DAPK2: variants seen among roughly 807,000 people sequenced by gnomAD.
DAPK2 encodes the protein death associated protein kinase 2.
DAPK2 carries 35 observed loss-of-function variants against 44.1 expected under a neutral mutation model. The observed-to-expected ratio is 0.79, with a 90% CI of 0.61 to 1.05. DAPK2 has a LOEUF of 1.05. DAPK2 is among the 50% of genes least tolerant of loss of function. DAPK2 has a pLI of 0.00. For synonymous variants in DAPK2, 174 were observed against 182.6 expected (o/e 0.95, Z 0.38); for missense variants, 453 against 483.2 (o/e 0.94, Z 0.59).
intron 3 of DAPK2, among the ~76,000 whole-genome samples, chr15:63,962,356 A>G (rs2077927828): frequency 6.6e-6 from 1 of 152,198 alleles, no homozygotes; most frequent in African/African-American, 2.4e-5. Flanking sequence ...CAACTTGTCA[A>G]AGTCATTCTC....
Position 64,027,847 on chromosome 15 carries a change from T to C in DAPK2, c.92+12323A>G, listed in dbSNP as rs566301082. On this transcript the variant is annotated intron_variant, in intron 1 of 10. Transcript: ENST00000261891. Reference sequence around the variant, plus strand: ...TTTAAACCATTAAGCAAATCAGTCATAACCTTTGACCTGGTATGCAACCTC... The same window carrying C: ...TTTAAACCATTAAGCAAATCAGTCACAACCTTTGACCTGGTATGCAACCTC... 3.1e-3 allele frequency among the ~76,000 whole-genome samples: 475 copies of C among 152,286 alleles called. 4 individuals are homozygous for C. The highest frequency in any genetic ancestry group is 7.5e-3 in the South Asian group (36 of 4,828).
chr15:63,955,099 G>C (rs2077688127), intron 3 of DAPK2, among the ~76,000 whole-genome samples: 1 of 152,174 alleles, frequency 6.6e-6, no homozygotes. Context: ...CTGCAAACAA[G>C]GATAATTTTA....
chr15:63,929,390 G>C (rs2079441658), intron 6 of DAPK2, 161 bp downstream of exon 7: 1 of 834,710 alleles, frequency 1.2e-6, no homozygotes, highest in South Asian at 1.7e-5. Flanking sequence ...TGGATGAAAT[G>C]GACCTACAGC....
chr15:63,909,463 C>A (rs905285185), intron 10 of DAPK2: 2 of 151,728 alleles, frequency 1.3e-5, no homozygotes, highest in Non-Finnish European at 2.9e-5. Flanking sequence ...AAAAAGAGTA[C>A]TATTTAAGAA....
intron 1 of DAPK2, among the ~76,000 whole-genome samples, chr15:64,018,557 C>T (rs1010167732): frequency 5.3e-5 from 8 of 152,270 alleles, no homozygotes; most frequent in Non-Finnish European, 8.8e-5. Flanking sequence ...AAAGTCCCTC[C>T]CAGACTGGAA....
chr15:63,961,587 C>T (rs2077902487), intron 3 of DAPK2, among the ~76,000 whole-genome samples: 1 of 152,176 alleles, frequency 6.6e-6, no homozygotes, highest in African/African-American at 2.4e-5. Context: ...GATTTTATTT[C>T]TCCTTCACTT....
chr15:63,950,745 A>T (rs553871928), intron 3 of DAPK2, among the ~76,000 whole-genome samples: 2 of 152,206 alleles, frequency 1.3e-5, no homozygotes, highest in Non-Finnish European at 1.5e-5. Flanking sequence ...CCTGTCACTT[A>T]ATACTGTGTA....
At chr15:63,985,400 C>T (rs1300389841) in intron 1 of DAPK2, among the ~76,000 whole-genome samples, 2 of 152,186 alleles carry the variant, frequency 1.3e-5, no homozygotes, top group East Asian at 1.9e-4. Flanking sequence ...CTCTGGGCCT[C>T]GAGGACAGCG....
chr15:63,974,242 C>T (rs2078287828), intron 2 of DAPK2, among the ~76,000 whole-genome samples: 1 of 152,184 alleles, frequency 6.6e-6, no homozygotes. Context: ...AAGAGTCAAA[C>T]TCTGTAAAAT....
chr15:63,932,607 A>G (rs2077002353), intron 4 of DAPK2: 1 of 151,958 alleles, frequency 6.6e-6, no homozygotes, highest in South Asian at 2.1e-4. Flanking sequence ...AAAAAAGAGG[A>G]CAGTAGCTTG....
rs1488755872 is a variant in DAPK2, at chr15:63,917,460, A to G, written c.859-5263T>C. ...ATAAGTCTGAAATTTGCTTTAAAAT[A>G]CCCCAGAAGAAAAGTAATGGGAGAG... On this transcript the variant is annotated intron_variant, in intron 8 of 10. Coordinates refer to ENST00000261891, the Ensembl canonical transcript of DAPK2. The surrounding 1 kb of genome is among the most constrained non-coding windows in gnomAD (Gnocchi z 4.4). 1.3e-5 allele frequency: 2 copies of G among 152,090 alleles called. No homozygotes were observed. The highest frequency in any genetic ancestry group is 2.9e-5 in the Non-Finnish European group (2 of 68,022). 9.4% of individuals were successfully genotyped at this position (152,090 alleles called of 1,614,324 possible).
intron 1 of DAPK2, among the ~76,000 whole-genome samples, chr15:63,991,667 A>G (rs1055986208): frequency 1.3e-5 from 2 of 152,238 alleles, no homozygotes; most frequent in Non-Finnish European, 2.9e-5. Flanking sequence ...CAGTTTGAGA[A>G]GTACTGCTCT....
chr15:63,973,969 G>A (rs2078280850), intron 2 of DAPK2, among the ~76,000 whole-genome samples: 1 of 152,092 alleles, frequency 6.6e-6, no homozygotes, highest in Non-Finnish European at 1.5e-5. Flanking sequence ...TATAAAAGAT[G>A]GCCCCTTTAT....
At chr15:64,025,053 C>T (rs1206475315) in intron 1 of DAPK2, among the ~76,000 whole-genome samples, 2 of 152,102 alleles carry the variant, frequency 1.3e-5, no homozygotes, top group Non-Finnish European at 2.9e-5. Context: ...CACCAAGAGA[C>T]CCAGACACTA....
chr15:64,002,968 T>TGTGTGTGTGTGGGG (rs1567266576), intron 1 of DAPK2, among the ~76,000 whole-genome samples: 1 of 39,008 alleles, frequency 2.6e-5, no homozygotes, highest in Non-Finnish European at 5.3e-5. Flanking sequence ...GTGTGTGTCG[T>TGTGTGTGTGTGGGG]GGGACCTGTG....
At chr15:63,988,278 T>C (rs1187400303) in intron 1 of DAPK2, among the ~76,000 whole-genome samples, 3 of 152,072 alleles carry the variant, frequency 2.0e-5, no homozygotes, top group Non-Finnish European at 4.4e-5. Context: ...GGCTCTCTAG[T>C]TGTCTGCCCA....
upstream of DAPK2, among the ~76,000 whole-genome samples, chr15:64,041,824 C>T (rs1325152492): frequency 6.6e-6 from 1 of 152,200 alleles, no homozygotes; most frequent in Non-Finnish European, 1.5e-5. Context: ...ACCAGAGCTT[C>T]ATTACCAAGA....
intron 3 of DAPK2, among the ~76,000 whole-genome samples, chr15:63,950,352 C>T (rs1430290455): frequency 6.6e-6 from 1 of 151,948 alleles, no homozygotes; most frequent in Non-Finnish European, 1.5e-5. Flanking sequence ...AATAGCTGGG[C>T]CTACAGGCAT....
chr15:63,935,117 G>A (rs1469727263), intron 4 of DAPK2, among the ~76,000 whole-genome samples: 4 of 135,856 alleles, frequency 2.9e-5, no homozygotes, highest in Non-Finnish European at 4.6e-5. Flanking sequence ...CTGATACACG[G>A]TCTCACTCTG....
Sources: allele counts gnomAD v4.1 joint callset (sites outside exome capture counted in the v4.1 genomes callset), GRCh38; gene constraint gnomAD v4.1.1; non-coding constraint Gnocchi (gnomAD v3.1); transcripts MANE v1.5; gene names NCBI Gene and HGNC (gene_info 2026-07-23, HGNC 2026-07-21).